The following CDK6 variants were observed in gnomAD, a reference collection of about 807,000 sequenced individuals.
CDK6 encodes the protein cyclin dependent kinase 6, also known as cyclin-dependent kinase 6.
A neutral mutation model predicts 37.1 loss-of-function variants in CDK6; 6 were observed. The observed-to-expected ratio is 0.16, with a 90% confidence interval of 0.09 to 0.32. The LOEUF (loss-of-function observed/expected upper bound fraction) is 0.32. Among genes scored for constraint, CDK6 ranks in the 10% least tolerant of loss-of-function variants. The pLI is 1.00. For missense variants in CDK6, 224 were observed against 418.9 expected, an observed-to-expected ratio of 0.53 and a Z score of 4.06; for synonymous variants, 160 against 161.3, an observed-to-expected ratio of 0.99 and a Z score of 0.06.
chr7:92,738,784 T>C (rs1461017671), intron 3 of CDK6, among the ~76,000 whole-genome samples: 2 of 152,142 alleles, frequency 1.3e-5, no homozygotes, highest in Admixed American at 1.3e-4. Flanking sequence ...ATGTATTCAG[T>C]GCTACTCTGA....
intron 5 of CDK6, among the ~76,000 whole-genome samples, chr7:92,666,363 T>C (rs574024035): frequency 6.6e-6 from 1 of 152,342 alleles, no homozygotes; most frequent in East Asian, 1.9e-4. Flanking sequence ...GGGCCTGGCA[T>C]ACAACAGTCA....
rs557673954 is a variant in CDK6 at position 92,636,243 on chromosome 7, A to G, written c.648-13157T>C. On this transcript the variant is annotated intron_variant, in intron 5 of 7. Transcript: ENST00000424848. ...CTAATTTTTGTATTTTTTGTTTTGT[A>G]GAGACAGGGTTTTGCCATGTTGCTC... Among the ~76,000 whole-genome samples the G allele has an allele frequency of 5.3e-5, 8 of 152,066 alleles. No individual in the cohort carries two copies. The South Asian group carries it at 1.7e-3, about 32-fold the overall frequency.
At chr7:92,750,391 A>G (rs958826392) in intron 3 of CDK6, among the ~76,000 whole-genome samples, 12 of 152,234 alleles carry the variant, frequency 7.9e-5, no homozygotes, top group Admixed American at 5.2e-4. Flanking sequence ...TACCTTCAGG[A>G]CTCTAAAATG....
intron 5 of CDK6, among the ~76,000 whole-genome samples, chr7:92,626,158 A>G (rs1795923684): frequency 1.3e-5 from 2 of 152,076 alleles, no homozygotes; most frequent in African/African-American, 2.4e-5. Context: ...ACACTAATTG[A>G]CTGATTACCC....
intron 2 of CDK6, among the ~76,000 whole-genome samples, chr7:92,805,202 A>T (rs147605391): frequency 2.0e-5 from 3 of 152,128 alleles, no homozygotes; most frequent in Non-Finnish European, 4.4e-5. Flanking sequence ...TGAATCATGT[A>T]ATCTGCCCAC....
chr7:92,811,985 T>C lies in CDK6; in HGVS notation c.233+21106A>G, dbSNP rs546172381. The stretch of plus-strand genomic sequence containing the variant: ...GACCAACACTGTGAAACCCTGTCTC[T>C]ACTAAAAATACAAAAATTAGCTATG... On this transcript the variant is annotated intron_variant, in intron 2 of 7. Coordinates refer to ENST00000424848, the MANE Select transcript of CDK6 (RefSeq NM_001145306.2). 2.5e-4 allele frequency among the ~76,000 whole-genome samples: 38 copies of C among 152,160 alleles called. No individual in the cohort carries two copies. The East Asian group carries it at 7.2e-3, about 29-fold the overall frequency.
intron 3 of CDK6, among the ~76,000 whole-genome samples, chr7:92,754,535 A>C (rs1799265574): frequency 6.6e-6 from 1 of 152,180 alleles, no homozygotes. Flanking sequence ...TTCACACAGG[A>C]CCATCTCAGT....
chr7:92,836,085 A>G (rs1801663997), intron 1 of CDK6, among the ~76,000 whole-genome samples: 1 of 152,120 alleles, frequency 6.6e-6, no homozygotes. Context: ...AGTGCATTTT[A>G]AACCCTAAAT....
intron 3 of CDK6, among the ~76,000 whole-genome samples, chr7:92,747,840 A>G (rs1394106692): frequency 6.6e-6 from 1 of 152,222 alleles, no homozygotes; most frequent in African/African-American, 2.4e-5. Flanking sequence ...TACAGAATAA[A>G]TAAGATATAA....
At chr7:92,808,162 ACTC>A (rs974150581) in intron 2 of CDK6, among the ~76,000 whole-genome samples, 5 of 152,156 alleles carry the variant, frequency 3.3e-5, no homozygotes, top group African/African-American at 1.2e-4. Flanking sequence ...GTTAAGTAGA[ACTC>A]CTGCTATTGC....
At chr7:92,783,335 C>T (rs1437703799) in intron 2 of CDK6, among the ~76,000 whole-genome samples, 1 of 152,184 alleles carries the variant, frequency 6.6e-6, no homozygotes, top group Non-Finnish European at 1.5e-5. Flanking sequence ...AATTAAACAA[C>T]CCCTTTCCCA....
At chr7:92,695,529 A>G (rs1442079539) in intron 4 of CDK6, among the ~76,000 whole-genome samples, 1 of 152,190 alleles carries the variant, frequency 6.6e-6, no homozygotes, top group African/African-American at 2.4e-5. Flanking sequence ...AGCAGCGGCT[A>G]AGTTCCATGT....
chr7:92,796,866 G>A (rs1800427312), intron 2 of CDK6, among the ~76,000 whole-genome samples: 1 of 152,022 alleles, frequency 6.6e-6, no homozygotes, highest in Non-Finnish European at 1.5e-5. Context: ...TCAATGAACA[G>A]ACAGAAAAGT....
At chr7:92,683,136 T>G (rs929044683) in intron 4 of CDK6, among the ~76,000 whole-genome samples, 3 of 151,936 alleles carry the variant, frequency 2.0e-5, no homozygotes, top group African/African-American at 7.2e-5. Context: ...TAAGTAGAAA[T>G]GAAAATTATT....
chr7:92,777,015 C>T (rs1584078311), intron 2 of CDK6, among the ~76,000 whole-genome samples: 1 of 151,954 alleles, frequency 6.6e-6, no homozygotes, highest in Non-Finnish European at 1.5e-5. Context: ...AAGTTTTTTT[C>T]TAGGGTTTTT....
rs984946054 is a variant in CDK6 at position 92,608,773 on chromosome 7, G to A, written c.*6367C>T. 7 of 231,512 alleles carry A rather than the reference G, an allele frequency of 3.0e-5. No homozygotes were observed. Among genetic ancestry groups the A allele is most frequent in the African/African-American group, 1.5e-4 (7 of 45,212 alleles). The allele number at this position is 231,512 out of a possible 1,614,324, so 14.3% of individuals were successfully genotyped here. A position where few individuals can be genotyped will look rare whatever the true frequency, so the allele number is the denominator to read the frequency against. ...GACAGCAGCAGGGCACTCTGACCTC[G>A]GAAAGCAGCCCGCGGGGCCGCACAT... On this transcript the variant is annotated 3_prime_UTR_variant, in exon 8 of 8. Coordinates refer to ENST00000424848, the MANE Select transcript of CDK6 (RefSeq NM_001145306.2).
At chr7:92,617,416 T>G (rs1795705416) in intron 7 of CDK6, among the ~76,000 whole-genome samples, 1 of 152,148 alleles carries the variant, frequency 6.6e-6, no homozygotes, top group Admixed American at 6.5e-5. Flanking sequence ...AGGCTGTTAA[T>G]TCAGGAGGTA....
intron 4 of CDK6, among the ~76,000 whole-genome samples, chr7:92,672,343 C>A (rs1459352681): frequency 6.6e-6 from 1 of 150,764 alleles, no homozygotes; most frequent in South Asian, 2.1e-4. Context: ...CTTGGGGAAT[C>A]AAAGTAAAAC....
intron 4 of CDK6, among the ~76,000 whole-genome samples, chr7:92,683,240 A>G (rs1260286029): frequency 6.6e-6 from 1 of 152,160 alleles, no homozygotes; most frequent in Non-Finnish European, 1.5e-5. Context: ...GAGAGGCCAC[A>G]TTATTACTCA....
Sources: allele counts gnomAD v4.1 joint callset (sites outside exome capture counted in the v4.1 genomes callset), GRCh38; gene constraint gnomAD v4.1.1; transcripts MANE v1.5; gene names NCBI Gene and HGNC (gene_info 2026-07-23, HGNC 2026-07-21).